Variants in DBNDD1 observed in about 807,000 individuals in gnomAD.
DBNDD1 encodes dysbindin domain-containing protein 1.
In DBNDD1, 14 loss-of-function variants were observed where a neutral mutation model predicts 17.0. The ratio of observed to expected loss-of-function variants is 0.82; its 90% CI spans 0.54 to 1.29. The LOEUF is 1.29. Among genes scored for constraint, DBNDD1 ranks in the 50% most tolerant of loss-of-function variants. The pLI is 0.00. For missense variants in DBNDD1, 221 were observed against 216.2 expected (o/e 1.02, Z -0.14); for synonymous variants, 105 against 102.0 (o/e 1.03, Z -0.18).
At chr16:90,009,595 GACA>G (rs1342863232) in intron 1 of DBNDD1, 165 bp from the exon 2 acceptor site, 1 of 1,065,084 alleles carries the variant, frequency 9.4e-7, no homozygotes, top group Admixed American at 2.5e-5. Context: ...CCTGGACCCA[GACA>G]AGGGGTTGAG....
Position 90,005,367 on chromosome 16 carries a change from C to T in DBNDD1, c.*968G>A, listed in dbSNP as rs992386476. The stretch of plus-strand genomic sequence containing the variant: ...CATATAAGCATTGGGAGGGTGTGAG[C>T]TGGGGCTCCCAGACACCCCCAGAGC... On this transcript the variant is annotated 3_prime_UTR_variant, in exon 4 of 4. Coordinates refer to ENST00000002501, the MANE Select transcript of DBNDD1 (RefSeq NM_001042610.3). 4 of 152,280 alleles carry T rather than the reference C, an allele frequency of 2.6e-5. No homozygotes were observed. The highest frequency in any genetic ancestry group is 2.6e-4 in the Admixed American group (4 of 15,282). 9.4% of individuals were successfully genotyped at this position (152,280 alleles called of 1,614,324 possible).
At chr16:90,009,144 G>A in intron 2 of DBNDD1, 140 bp downstream of exon 2, 1 of 1,331,462 alleles carries the variant, frequency 7.5e-7, no homozygotes, top group Non-Finnish European at 1.0e-6. Flanking sequence ...CAGAGAACCA[G>A]AGCTGCAAGA....
chr16:90,009,276 GTACT>G lies in DBNDD1; in HGVS notation c.178+4_178+7del. 1 of 1,612,912 alleles carries G rather than the reference GTACT, an allele frequency of 6.2e-7. No homozygotes were observed. The highest frequency in any genetic ancestry group is 2.2e-5 in the East Asian group (1 of 44,882). On this transcript the variant is annotated splice_donor_5th_base_variant and intron_variant, in intron 2 of 3. Coordinates refer to ENST00000002501, the MANE Select transcript of DBNDD1 (RefSeq NM_001042610.3). ...CATAGCGTGCGCTGGGCAGGGAGCA[GTACT>G]TACGCCTCCTCTCCGTGACCTGCAG...
In DBNDD1 at chr16:90,006,394, C is replaced by G. The variant is rs373843964; in HGVS notation, c.418G>C (p.Glu140Gln). The G allele has an allele frequency of 4.4e-6, 7 of 1,607,250 alleles. No homozygotes were observed. The highest frequency in any genetic ancestry group is 1.6e-4 in the Middle Eastern group (1 of 6,080). Residue 140 changes from glutamate (E) to glutamine (Q), a missense_variant, in exon 4 of 4, where the codon GAG (glutamate) becomes CAG (glutamine). Physicochemically the swap from Glu to Gln is conservative, Grantham distance 29 (BLOSUM62 2). Transcript: ENST00000002501. ...SHEKQPLGDP[E>Q]RQATVLDTFL... ...GTGTCCAGGACTGTGGCCTGCCGCTCGGGGTCGCCTAGGGGCTGCTTCTCG... is the reference window on the plus strand; with the variant it reads ...GTGTCCAGGACTGTGGCCTGCCGCTGGGGGTCGCCTAGGGGCTGCTTCTCG...
intron 1 of DBNDD1, among the ~76,000 whole-genome samples, chr16:90,017,799 C>T (rs1378499369): frequency 1.3e-5 from 2 of 152,206 alleles, no homozygotes; most frequent in South Asian, 2.1e-4. Flanking sequence ...GTGTCAAGAG[C>T]GTGAGCCCTC....
intron 1 of DBNDD1, chr16:90,010,017 T>A: frequency 6.2e-7 from 1 of 1,614,198 alleles, no homozygotes; most frequent in Non-Finnish European, 8.5e-7. Flanking sequence ...TGCCTCACAG[T>A]TGAGCAAATA....
chr16:90,015,183 T>A (rs899891599), intron 1 of DBNDD1, among the ~76,000 whole-genome samples: 2 of 152,118 alleles, frequency 1.3e-5, no homozygotes, highest in African/African-American at 2.4e-5. Flanking sequence ...TAAAGTCTGG[T>A]GCCGTGGTCT....
chr16:90,018,944 G>A (rs1720782338), intron 1 of DBNDD1, among the ~76,000 whole-genome samples: 2 of 152,158 alleles, frequency 1.3e-5, no homozygotes, highest in Admixed American at 6.5e-5. Flanking sequence ...TCGCCCTCAC[G>A]CCCCACCGAC....
chr16:90,015,424 A>G (rs76153105), intron 1 of DBNDD1, among the ~76,000 whole-genome samples: 2,539 of 152,320 alleles, frequency 0.017, 78 homozygotes, highest in African/African-American at 0.058. Flanking sequence ...TTCGTTGACC[A>G]TATCAGTAAA....
chr16:90,013,578 C>T (rs191244848), intron 1 of DBNDD1, among the ~76,000 whole-genome samples: 3 of 152,284 alleles, frequency 2.0e-5, no homozygotes, highest in Admixed American at 2.0e-4. Context: ...AGGAAGTCCC[C>T]ACTTGCTGGC....
At chr16:90,019,605 GGCCCAGCGGACCCCTCCCCC>G, upstream of DBNDD1, 1 of 340,882 alleles carries the variant, frequency 2.9e-6, no homozygotes, top group Non-Finnish European at 5.2e-6. This position sits in a 1 kb window ranked among gnomAD's most constrained non-coding sequence, Gnocchi z 6.1. Flanking sequence ...GCTGGCCCCT[GGCCCAGCGGACCCCTCCCCC>G]GCCGACCCTT....
chr16:90,007,860 C>T (rs912359762), intron 3 of DBNDD1: 41 of 163,716 alleles, frequency 2.5e-4, no homozygotes, highest in Non-Finnish European at 5.0e-4. Context: ...ACACGCACAC[C>T]TCCCAGGACT....
At chr16:90,011,879 C>A (rs2035561948) in intron 1 of DBNDD1, among the ~76,000 whole-genome samples, 1 of 152,196 alleles carries the variant, frequency 6.6e-6, no homozygotes, top group Non-Finnish European at 1.5e-5. Context: ...GCCTGCTTGA[C>A]CATTGTCCAT....
rs1191006624 is a variant in DBNDD1, at chr16:90,006,402, C to T, written c.410G>A (p.Gly137Asp). 7 of 1,606,418 alleles carry T rather than the reference C, an allele frequency of 4.4e-6. No homozygotes were observed. Among genetic ancestry groups the T allele is most frequent in the Non-Finnish European group, 4.2e-6 (5 of 1,179,816 alleles). Reference sequence around the variant, plus strand: ...GACTGTGGCCTGCCGCTCGGGGTCGCCTAGGGGCTGCTTCTCGTGGCTCTG... The same window carrying T: ...GACTGTGGCCTGCCGCTCGGGGTCGTCTAGGGGCTGCTTCTCGTGGCTCTG... ...AEQSHEKQPLGDPERQATVLD... is the reference protein window; with the variant it reads ...AEQSHEKQPLDDPERQATVLD... The change falls in exon 4 of 4, where the codon GGC becomes GAC. Residue 137 changes from glycine (G) to aspartate (D), a missense_variant. By Grantham distance (94) the Gly-to-Asp change is moderately conservative. Coordinates refer to ENST00000002501, the MANE Select transcript of DBNDD1 (RefSeq NM_001042610.3).
chr16:90,016,415 T>G (rs1204211310), intron 1 of DBNDD1, among the ~76,000 whole-genome samples: 1 of 152,140 alleles, frequency 6.6e-6, no homozygotes, highest in Non-Finnish European at 1.5e-5. Context: ...CAGGCAGGCA[T>G]GGGGGCGGGT....
chr16:90,015,888 G>C (rs1176874865), intron 1 of DBNDD1, among the ~76,000 whole-genome samples: 5 of 152,132 alleles, frequency 3.3e-5, no homozygotes, highest in Middle Eastern at 3.4e-3. Context: ...GTTTCTTTCT[G>C]GGGGGGTAAT....
intron 1 of DBNDD1, among the ~76,000 whole-genome samples, chr16:90,012,738 C>A (rs2035576079): frequency 6.6e-6 from 1 of 151,898 alleles, no homozygotes; most frequent in South Asian, 2.1e-4. Flanking sequence ...GCATTACAGG[C>A]ATGAGCCACC....
At chr16:90,010,020 A>G in intron 1 of DBNDD1, 1 of 1,614,132 alleles carries the variant, frequency 6.2e-7, no homozygotes, top group Non-Finnish European at 8.5e-7. Flanking sequence ...CTCACAGTTG[A>G]GCAAATATTC....
At chr16:90,006,636 C>CT (rs1228208194) in intron 3 of DBNDD1, 144 bp from the exon 4 acceptor site, 1 of 1,093,544 alleles carries the variant, frequency 9.1e-7, no homozygotes, top group East Asian at 2.6e-5. Context: ...ACATCTACCT[C>CT]TAACGGGAGG....
Sources: gnomAD v4.1 joint callset for allele counts (sites outside exome capture counted in the v4.1 genomes callset) on GRCh38, gnomAD v4.1.1 for gene constraint, Gnocchi (gnomAD v3.1) non-coding constraint, MANE v1.5 for transcripts, NCBI Gene and HGNC (gene_info 2026-07-23, HGNC 2026-07-21) for gene names.